The following CASP5 variants were observed in gnomAD, a reference collection of about 807,000 sequenced individuals.
CASP5 encodes caspase 5.
Under a neutral mutation model 45.2 loss-of-function variants are expected in CASP5, and 42 were observed. The observed-to-expected ratio is 0.93, with a 90% confidence interval of 0.73 to 1.20. The LOEUF is 1.20. Ranked by LOEUF, CASP5 falls within the 50% of genes most tolerant of loss-of-function variation. The pLI is 0.00. For synonymous variants in CASP5, 209 were observed against 186.2 expected (o/e 1.12, Z -1.00); for missense variants, 512 against 532.2 (o/e 0.96, Z 0.37).
intron 7 of CASP5, among the ~76,000 whole-genome samples, chr11:104,998,392 TAAC>T (rs1325628789): frequency 7.2e-5 from 11 of 152,208 alleles, no homozygotes; most frequent in African/African-American, 1.4e-4. Context: ...AGCTCCACCC[TAAC>T]ATTTCTTACC....
intron 1 of CASP5, 77 bp downstream of exon 1, chr11:105,023,053 C>T (rs1863055256): frequency 7.5e-6 from 10 of 1,334,120 alleles, no homozygotes; most frequent in Admixed American, 5.9e-5. Context: ...GTATTTCTGC[C>T]TGTCACATAG....
chr11:105,022,428 A>G (rs546210), intron 1 of CASP5, among the ~76,000 whole-genome samples: 23,230 of 152,140 alleles, frequency 0.15, 2,046 homozygotes, highest in Admixed American at 0.25. Context: ...GGAGAATGAA[A>G]CCAAAGACGC....
At chr11:104,995,972 C>G in intron 8 of CASP5, 130 bp from the exon 9 acceptor site, 1 of 598,200 alleles carries the variant, frequency 1.7e-6, no homozygotes, top group Non-Finnish European at 3.0e-6. Flanking sequence ...ATGGATATTC[C>G]AACTCCTTAA....
chr11:105,008,815 C>T lies in CASP5; in HGVS notation c.173G>A (p.Ser58Asn), dbSNP rs150404959. The change falls in exon 2 of 10, where the codon AGT (serine) becomes AAT (asparagine). Residue 58 changes from serine (S) to asparagine (N), a missense_variant. Physicochemically the swap from Ser to Asn is conservative, Grantham distance 46 (BLOSUM62 1). Coordinates refer to ENST00000260315, the MANE Select transcript of CASP5 (RefSeq NM_004347.5). ...LVPNTDQKST[S>N]VKKDNHKKKT... ...AAAATATCCAGTCTTACTTTTTACA[C>T]TGGTCGACTTTTGATCCGTATTAGG... 3.7e-6 allele frequency: 6 copies of T among 1,605,002 alleles called. No homozygotes were observed. In the African/African-American group the frequency reaches 8.0e-5, roughly 22 times the overall value.
chr11:105,021,194 A>T (rs1426176008), intron 1 of CASP5, among the ~76,000 whole-genome samples: 2 of 151,710 alleles, frequency 1.3e-5, no homozygotes, highest in Non-Finnish European at 2.9e-5. Context: ...TAGACCTAAA[A>T]CCATAAAAAC....
At chr11:105,018,574 G>A (rs1287067776) in intron 1 of CASP5, among the ~76,000 whole-genome samples, 12 of 144,184 alleles carry the variant, frequency 8.3e-5, no homozygotes, top group South Asian at 2.2e-4. Flanking sequence ...TTACATAATG[G>A]TAAAGGGATC....
intron 1 of CASP5, among the ~76,000 whole-genome samples, chr11:105,020,234 T>A (rs909313447): frequency 2.0e-5 from 3 of 149,730 alleles, no homozygotes; most frequent in African/African-American, 4.9e-5. Context: ...GCATTCCCTT[T>A]GAAAACTGGC....
chr11:104,998,852 C>G, intron 7 of CASP5, 33 bp downstream of exon 7: 1 of 1,603,408 alleles, frequency 6.2e-7, no homozygotes, highest in Non-Finnish European at 8.5e-7. Context: ...CTCAGCACCC[C>G]CAAATTTTTG....
intron 1 of CASP5, among the ~76,000 whole-genome samples, chr11:105,013,227 C>T (rs1370863815): frequency 6.6e-6 from 1 of 151,826 alleles, no homozygotes; most frequent in East Asian, 1.9e-4. Context: ...AAGTTAAACA[C>T]ATAAAAGCAG....
intron 1 of CASP5, among the ~76,000 whole-genome samples, chr11:105,019,333 C>CA (rs1331048513): frequency 2.0e-5 from 3 of 148,840 alleles, no homozygotes; most frequent in South Asian, 2.1e-4. Flanking sequence ...AATAGAGACA[C>CA]AAAAAACCCT....
Position 104,998,936 on chromosome 11 carries a change from A to T in CASP5, c.1045T>A (p.Cys349Ser). The T allele has an allele frequency of 6.2e-7, 1 of 1,614,026 alleles. No individual in the cohort carries two copies. Among genetic ancestry groups the T allele is most frequent in the Non-Finnish European group, 8.5e-7 (1 of 1,179,908 alleles). ...SSENLEADSVCKIHEEKDFIA... is the reference protein window; with the variant it reads ...SSENLEADSVSKIHEEKDFIA... ...AAGTCCTTCTCCTCGTGGATCTTGC[A>T]AACAGAATCTGCCTCCAGGTTCTCA... Residue 349 changes from cysteine (C) to serine (S), a missense_variant, in exon 7 of 10, where the codon TGC becomes AGC. By Grantham distance (112) the Cys-to-Ser change is moderately radical. Coordinates refer to ENST00000260315, the MANE Select transcript of CASP5 (RefSeq NM_004347.5).
intron 1 of CASP5, among the ~76,000 whole-genome samples, chr11:105,012,289 G>T (rs944819222): frequency 2.0e-4 from 31 of 151,576 alleles, no homozygotes; most frequent in African/African-American, 7.5e-4. Context: ...AACTCAAAAT[G>T]GATTAAAAAC....
At position 105,021,946 on chromosome 11, in the gene CASP5, G is replaced by C. The variant is rs927302384; in HGVS notation, c.7+1184C>G. Among the ~76,000 whole-genome samples, 37 of 150,066 alleles carry C rather than the reference G, an allele frequency of 2.5e-4. 1 individual carries two copies. Among genetic ancestry groups the C allele is most frequent in the African/African-American group, 8.8e-4 (36 of 40,900 alleles). On this transcript the variant is annotated intron_variant, in intron 1 of 9. Transcript: ENST00000260315. ...CAATGATAGACTGGATTAAGAAAAT[G>C]TGGCACATATACACCATGGAATATT...
At chr11:105,019,373 T>C (rs1243507283) in intron 1 of CASP5, among the ~76,000 whole-genome samples, 42 of 150,428 alleles carry the variant, frequency 2.8e-4, no homozygotes, top group African/African-American at 9.7e-4. Context: ...AGGAGCTGGT[T>C]TTTTGAAAGG....
At chr11:105,015,507 A>G (rs1204337090) in intron 1 of CASP5, among the ~76,000 whole-genome samples, 1 of 152,242 alleles carries the variant, frequency 6.6e-6, no homozygotes, top group African/African-American at 2.4e-5. Context: ...CACATTTTAT[A>G]TAGGATACTG....
chr11:105,008,719 G>C (rs1862124746), intron 2 of CASP5, 88 bp downstream of exon 2: 2 of 886,810 alleles, frequency 2.3e-6, no homozygotes, highest in African/African-American at 1.7e-5. Context: ...AAGGAGGATA[G>C]GGGGATCACA....
Position 105,001,915 on chromosome 11 carries a change from C to T in CASP5, c.717+113G>A, listed in dbSNP as rs931658392. 2.1e-5 allele frequency: 20 copies of T among 957,560 alleles called. No homozygotes were observed. In the East Asian group the frequency reaches 3.9e-4, roughly 19 times the overall value. The allele number at this position is 957,560 out of a possible 1,614,324, so 59.3% of individuals were successfully genotyped here. ...GCGCATGTACACACACACACACACA[C>T]GCACACGAACCCAGAGGTTGTTAAA... is the stretch of plus-strand genomic sequence containing the variant. On this transcript the variant is annotated intron_variant, in intron 5 of 9. Coordinates refer to ENST00000260315, the MANE Select transcript of CASP5 (RefSeq NM_004347.5).
intron 4 of CASP5, among the ~76,000 whole-genome samples, chr11:105,002,762 T>TA (rs1861803152): frequency 6.6e-6 from 1 of 152,138 alleles, no homozygotes; most frequent in Admixed American, 6.5e-5. Context: ...CAATAAATGA[T>TA]AAAAAAGAGA....
At chr11:105,000,939 C>T (rs1861695318) in intron 5 of CASP5, among the ~76,000 whole-genome samples, 1 of 152,178 alleles carries the variant, frequency 6.6e-6, no homozygotes, top group Non-Finnish European at 1.5e-5. Flanking sequence ...AATCTCTAGT[C>T]ACACTGATCT....
Sources: gnomAD v4.1 joint callset for allele counts (sites outside exome capture counted in the v4.1 genomes callset) on GRCh38, gnomAD v4.1.1 for gene constraint, MANE v1.5 for transcripts, NCBI Gene and HGNC (gene_info 2026-07-23, HGNC 2026-07-21) for gene names.